The following TRPM3 variants were observed in gnomAD, a reference collection of about 807,000 sequenced individuals.
TRPM3 encodes transient receptor potential cation channel subfamily M member 3, also known as long transient receptor potential channel 3.
Under a neutral mutation model 181.2 loss-of-function variants are expected in TRPM3, and 77 were observed. The observed-to-expected ratio is 0.42, with a 90% CI of 0.35 to 0.51. The LOEUF (loss-of-function observed/expected upper bound fraction) is 0.51. Ranked by LOEUF, TRPM3 falls within the 20% of genes least tolerant of loss-of-function variation. The pLI, the probability that TRPM3 is intolerant of heterozygous loss-of-function variation, is 0.01. For missense variants in TRPM3, 1,759 were observed against 2,196.7 expected (o/e 0.80, Z 3.98); for synonymous variants, 745 against 796.4 (o/e 0.94, Z 1.09).
intron 7 of TRPM3, among the ~76,000 whole-genome samples, chr9:70,773,504 G>A (rs532852192): frequency 7.2e-5 from 11 of 152,222 alleles, no homozygotes; most frequent in African/African-American, 2.6e-4. Context: ...GGAGGGATAA[G>A]TTTAAATTCT....
intron 1 of TRPM3, among the ~76,000 whole-genome samples, chr9:70,929,322 C>T (rs2096751919): frequency 6.6e-6 from 1 of 152,008 alleles, no homozygotes; most frequent in Non-Finnish European, 1.5e-5. Context: ...CTGCCTCAGC[C>T]TCTCGAGTAG....
intron 1 of TRPM3, among the ~76,000 whole-genome samples, chr9:70,987,690 T>G (rs1379916139): frequency 6.6e-6 from 1 of 152,148 alleles, no homozygotes; most frequent in Admixed American, 6.6e-5. Flanking sequence ...ATATTGTTAA[T>G]CTAGTAATCG....
At chr9:71,281,809 C>G (rs1039759050) in intron 1 of TRPM3, among the ~76,000 whole-genome samples, 3 of 152,060 alleles carry the variant, frequency 2.0e-5, no homozygotes, top group Admixed American at 6.5e-5. Flanking sequence ...CACCTGTAAT[C>G]CCAGCACTTT....
chr9:70,857,196 C>T (rs1351435618), intron 3 of TRPM3, among the ~76,000 whole-genome samples: 6 of 152,052 alleles, frequency 3.9e-5, no homozygotes, highest in African/African-American at 9.7e-5. Flanking sequence ...TCTGGTTGTT[C>T]GGGAATAGCT....
intron 1 of TRPM3, among the ~76,000 whole-genome samples, chr9:71,189,093 A>G (rs1266684510): frequency 6.6e-6 from 1 of 151,886 alleles, no homozygotes; most frequent in Non-Finnish European, 1.5e-5. Flanking sequence ...ACTTCTGAAC[A>G]TGAGTCAATC....
At chr9:71,054,154 C>A (rs1246196568) in intron 1 of TRPM3, among the ~76,000 whole-genome samples, 2 of 152,070 alleles carry the variant, frequency 1.3e-5, no homozygotes, top group Non-Finnish European at 1.5e-5. Flanking sequence ...TTTCAGCTTC[C>A]TCAGATTAAA....
At chr9:70,892,623 A>AC (rs946043717) in intron 1 of TRPM3, among the ~76,000 whole-genome samples, 5 of 151,740 alleles carry the variant, frequency 3.3e-5, no homozygotes, top group Non-Finnish European at 5.9e-5. Context: ...AAAAAAAAAA[A>AC]AAAACTAGCC....
chr9:71,301,299 G>T (rs73649716), intron 1 of TRPM3, among the ~76,000 whole-genome samples: 17,162 of 152,098 alleles, frequency 0.11, 2,396 homozygotes, highest in African/African-American at 0.33. Flanking sequence ...ATTTTGTACT[G>T]TATAGATAGA....
chr9:71,267,830 AACAATCATC>A (rs1437341716), intron 1 of TRPM3, among the ~76,000 whole-genome samples: 1 of 152,170 alleles, frequency 6.6e-6, no homozygotes, highest in African/African-American at 2.4e-5. Flanking sequence ...ACGTGATGAG[AACAATCATC>A]ACAATCATCA....
In TRPM3 at chr9:70,629,222, G is replaced by A. The variant is rs1461525826; in HGVS notation, c.1633-3705C>T. On this transcript the variant is annotated intron_variant, in intron 12 of 25. Coordinates refer to ENST00000677713, the MANE Select transcript of TRPM3 (RefSeq NM_001366145.2). ...TGATTCTGTGACCAGTGCCGGGGGG[G>A]GGGGGGGCCTGCGTTCTGTTTGACC... Among the ~76,000 whole-genome samples, 3 of 87,582 alleles carry A rather than the reference G, an allele frequency of 3.4e-5. 1 individual carries two copies. The highest frequency in any genetic ancestry group is 3.2e-4 in the Admixed American group (3 of 9,516). The allele number at this position is 87,582 out of a possible 152,430, so 57.5% of individuals were successfully genotyped here.
intron 1 of TRPM3, among the ~76,000 whole-genome samples, chr9:71,273,808 C>T (rs1180690338): frequency 6.6e-6 from 1 of 152,146 alleles, no homozygotes; most frequent in Admixed American, 6.5e-5. Context: ...GTCTGCTGGG[C>T]ATTATGAAAT....
intron 1 of TRPM3, among the ~76,000 whole-genome samples, chr9:70,891,924 CG>C (rs2096209893): frequency 6.6e-6 from 1 of 152,124 alleles, no homozygotes; most frequent in Non-Finnish European, 1.5e-5. Flanking sequence ...GTGCCTTAGG[CG>C]CTTACCATAT....
At chr9:71,197,281 T>C (rs1237136355) in intron 1 of TRPM3, among the ~76,000 whole-genome samples, 1 of 152,182 alleles carries the variant, frequency 6.6e-6, no homozygotes, top group Non-Finnish European at 1.5e-5. Context: ...TGTTGGACAT[T>C]TCGCTTGGTT....
chr9:70,641,240 C>T (rs2058019912), intron 9 of TRPM3, among the ~76,000 whole-genome samples: 1 of 152,152 alleles, frequency 6.6e-6, no homozygotes, highest in African/African-American at 2.4e-5. Context: ...AGTCTCAGAC[C>T]CTGTCCCCGA....
At chr9:71,367,065 GAAT>G (rs1193789652) in intron 1 of TRPM3, among the ~76,000 whole-genome samples, 1 of 152,096 alleles carries the variant, frequency 6.6e-6, no homozygotes, top group Non-Finnish European at 1.5e-5. Context: ...TCCAACAAGA[GAAT>G]AAACAAACCA....
At chr9:71,440,681 C>T (rs1419358038) in intron 1 of TRPM3, among the ~76,000 whole-genome samples, 2 of 152,346 alleles carry the variant, frequency 1.3e-5, no homozygotes, top group East Asian at 1.9e-4. Context: ...ACTATCAGCT[C>T]TATTAGAGAG....
At position 71,009,827 on chromosome 9, in the gene TRPM3, T is replaced by C. The variant is rs777733718; in HGVS notation, c.177+111351A>G. Among the ~76,000 whole-genome samples, 107 of 152,178 alleles carry C rather than the reference T, an allele frequency of 7.0e-4. 1 individual carries two copies. Among genetic ancestry groups the C allele is most frequent in the Non-Finnish European group, 1.1e-3 (76 of 68,016 alleles). ...GGCATCATATTACCTTTCTTCCAAA[T>C]ACATTACAAAGCTATAGTAAGCAAA... On this transcript the variant is annotated intron_variant, in intron 1 of 25. Transcript: ENST00000677713.
At chr9:71,108,890 G>C (rs1731405972) in intron 1 of TRPM3, among the ~76,000 whole-genome samples, 1 of 152,182 alleles carries the variant, frequency 6.6e-6, no homozygotes, top group Non-Finnish European at 1.5e-5. Context: ...CAGAGATTTG[G>C]TCAAACATTA....
At chr9:71,207,201 G>A (rs1056777366) in intron 1 of TRPM3, among the ~76,000 whole-genome samples, 9 of 152,114 alleles carry the variant, frequency 5.9e-5, no homozygotes, top group African/African-American at 2.2e-4. Flanking sequence ...AAAGGATTAA[G>A]ACACCATAAA....
Sources: allele counts gnomAD v4.1 joint callset (sites outside exome capture counted in the v4.1 genomes callset), GRCh38; gene constraint gnomAD v4.1.1; transcripts MANE v1.5; gene names NCBI Gene and HGNC (gene_info 2026-07-23, HGNC 2026-07-21).